The following PHF20L1 variants were observed in gnomAD, a reference collection of about 807,000 sequenced individuals.
The protein encoded by PHF20L1 is PHD finger protein 20 like 1.
A neutral mutation model predicts 125.5 loss-of-function variants in PHF20L1; 44 were observed. That is an observed-to-expected ratio of 0.35 (90% CI 0.28 to 0.45). The LOEUF is 0.45. PHF20L1 is among the 20% of genes least tolerant of loss of function. The pLI, the probability that PHF20L1 is intolerant of heterozygous loss-of-function variation, is 1.00. For synonymous variants in PHF20L1, 380 were observed against 403.1 expected, an observed-to-expected ratio of 0.94 and a Z score of 0.69; for missense variants, 1,012 against 1,217.2, an observed-to-expected ratio of 0.83 and a Z score of 2.51.
intron 15 of PHF20L1, 92 bp from the exon 16 acceptor site, chr8:132,836,448 G>A (rs753594583): frequency 1.3e-6 from 1 of 781,058 alleles, no homozygotes; most frequent in Non-Finnish European, 2.1e-6. Flanking sequence ...ATGTTTAATA[G>A]CTTATGTTCA....
rs115878127 is a variant in PHF20L1 at position 132,790,865 on chromosome 8, A to T, written c.84-3545A>T. On this transcript the variant is annotated intron_variant, in intron 2 of 20. Transcript: ENST00000395386. The stretch of plus-strand genomic sequence containing the variant: ...CCGAGAACCTTCAGTAAATTCCCAG[A>T]TTTTCTATGGACTATTAAAGCATCT... Among the ~76,000 whole-genome samples the T allele has an allele frequency of 4.4e-3, 667 of 152,170 alleles. 7 individuals are homozygous for T. The highest frequency in any genetic ancestry group is 0.015 in the African/African-American group (641 of 41,526).
chr8:132,778,807 C>T (rs934228293), intron 2 of PHF20L1, among the ~76,000 whole-genome samples: 3 of 152,142 alleles, frequency 2.0e-5, no homozygotes, highest in South Asian at 2.1e-4. Flanking sequence ...AGAGGGGTTC[C>T]GCTTCTGGGA....
intron 14 of PHF20L1, among the ~76,000 whole-genome samples, chr8:132,828,551 TA>T (rs1224344054): frequency 6.6e-6 from 1 of 152,150 alleles, no homozygotes; most frequent in East Asian, 1.9e-4. Context: ...TTGTCCCTGT[TA>T]TTTTAATGCA....
intron 9 of PHF20L1, chr8:132,812,003 G>T (rs564360990): frequency 3.1e-6 from 3 of 982,296 alleles, no homozygotes; most frequent in Non-Finnish European, 3.6e-6. Context: ...GTTTTTCAGG[G>T]TTATTTTAGG....
At chr8:132,787,745 G>T (rs964554268) in intron 2 of PHF20L1, among the ~76,000 whole-genome samples, 9 of 152,074 alleles carry the variant, frequency 5.9e-5, no homozygotes, top group Admixed American at 1.3e-4. Context: ...TAATCAATGG[G>T]TGAATGGGAA....
chr8:132,810,955 G>T, intron 8 of PHF20L1, 91 bp from the exon 9 acceptor site: 1 of 795,872 alleles, frequency 1.3e-6, no homozygotes, highest in Non-Finnish European at 2.3e-6. Context: ...AAAAGTATAG[G>T]AAATTTCAAC....
chr8:132,788,551 G>C (rs900386365), intron 2 of PHF20L1, among the ~76,000 whole-genome samples: 1 of 151,708 alleles, frequency 6.6e-6, no homozygotes, highest in Non-Finnish European at 1.5e-5. Flanking sequence ...AAGTGCAGGA[G>C]ATTCTAGGTT....
chr8:132,784,230 G>GT (rs1255425255), intron 2 of PHF20L1, among the ~76,000 whole-genome samples: 18 of 151,914 alleles, frequency 1.2e-4, no homozygotes, highest in African/African-American at 4.3e-4. Flanking sequence ...ATGTTAATTC[G>GT]TTTTTTATAG....
At position 132,836,415 on chromosome 8, in the gene PHF20L1, T is replaced by C. The variant is rs146283596; in HGVS notation, c.1910-125T>C. On this transcript the variant is annotated intron_variant, in intron 15 of 20. Transcript: ENST00000395386. ...AGACAAGTACAGTACAGTATTCTTATTTGTTTGCTCCCCCTTTTTAAAATG... is the reference window on the plus strand; with the variant it reads ...AGACAAGTACAGTACAGTATTCTTACTTGTTTGCTCCCCCTTTTTAAAATG... 4,985 of 642,790 alleles carry C rather than the reference T, an allele frequency of 7.8e-3. 39 individuals are homozygous for C. Among genetic ancestry groups the C allele is most frequent in the Non-Finnish European group, 0.011 (4,216 of 376,230 alleles). The allele number at this position is 642,790 out of a possible 1,614,324, so 39.8% of individuals were successfully genotyped here. A position where few individuals can be genotyped will look rare whatever the true frequency, so the allele number is the denominator to read the frequency against.
intron 14 of PHF20L1, among the ~76,000 whole-genome samples, chr8:132,829,715 T>C (rs945781105): frequency 8.5e-5 from 13 of 152,196 alleles, no homozygotes; most frequent in African/African-American, 2.9e-4. Flanking sequence ...ATATCACTTA[T>C]TTGTTAAGAG....
At position 132,824,028 on chromosome 8, in the gene PHF20L1, T is replaced by C. The variant is rs1008667164; in HGVS notation, c.1604T>C (p.Val535Ala). The C allele has an allele frequency of 5.0e-6, 8 of 1,600,400 alleles. No individual in the cohort carries two copies. Among genetic ancestry groups the C allele is most frequent in the Non-Finnish European group, 8.5e-7 (1 of 1,170,394 alleles). The change falls in exon 13 of 21, where the codon GTG becomes GCG. Residue 535 changes from valine (V) to alanine (A), a missense_variant. Physicochemically the swap from Val to Ala is moderately conservative, Grantham distance 64. Coordinates refer to ENST00000395386, the MANE Select transcript of PHF20L1 (RefSeq NM_016018.5). ...AAGISKTEKKVKLEDKSSTAF... is the reference protein window; with the variant it reads ...AAGISKTEKKAKLEDKSSTAF... The stretch of plus-strand genomic sequence containing the variant: ...GGAATATCGAAAACAGAAAAAAAAG[T>C]GAAATTGGAAGACAAAAGCTCAACA...
chr8:132,777,153 C>T (rs1210792250), intron 1 of PHF20L1, among the ~76,000 whole-genome samples: 2 of 152,142 alleles, frequency 1.3e-5, no homozygotes, highest in East Asian at 1.9e-4. Flanking sequence ...AGAAAGCAGT[C>T]TCTTTTGTAA....
At chr8:132,822,898 G>A (rs1158910361) in intron 12 of PHF20L1, among the ~76,000 whole-genome samples, 1 of 145,788 alleles carries the variant, frequency 6.9e-6, no homozygotes, top group Non-Finnish European at 1.6e-5. Context: ...ACTGGTAAAT[G>A]GTGACATTAA....
intron 8 of PHF20L1, chr8:132,810,047 G>GTT (rs1834191303): frequency 6.7e-6 from 1 of 149,274 alleles, no homozygotes. Flanking sequence ...ATAAAATACT[G>GTT]TCTTTTTTTT....
chr8:132,832,039 G>A (rs77034277), intron 14 of PHF20L1, among the ~76,000 whole-genome samples, 196 bp from the exon 15 acceptor site: 2,724 of 152,122 alleles, frequency 0.018, 81 homozygotes, highest in African/African-American at 0.061. Flanking sequence ...TGTATATATT[G>A]TCTGGGGTAT....
rs750338637 is a variant in PHF20L1 at position 132,842,766 on chromosome 8, G to A, written c.2639G>A (p.Gly880Glu). Residue 880 changes from glycine to glutamate, a missense_variant, in exon 19 of 21, where the codon GGG (glycine) becomes GAG (glutamate). This residue lies in a region of PHF20L1 where 277 missense variants were observed against 283.6 expected (regional missense o/e 0.98). Transcript: ENST00000395386. ...GACTGTAAATCTCTCGCAGACCCTGGGAGCTCAGATGATGATGATGTTAGT... is the reference window on the plus strand; with the variant it reads ...GACTGTAAATCTCTCGCAGACCCTGAGAGCTCAGATGATGATGATGTTAGT... Reference protein sequence around the residue: ...GQDCKSLADPGSSDDDDVSSL... With the variant: ...GQDCKSLADPESSDDDDVSSL... The A allele has an allele frequency of 3.7e-6, 6 of 1,613,314 alleles. No individual in the cohort carries two copies. Among genetic ancestry groups the A allele is most frequent in the Non-Finnish European group, 5.1e-6 (6 of 1,179,546 alleles).
intron 14 of PHF20L1, among the ~76,000 whole-genome samples, chr8:132,827,666 T>A (rs1836335311): frequency 6.6e-6 from 1 of 151,868 alleles, no homozygotes; most frequent in Admixed American, 6.6e-5. Flanking sequence ...CAATTAGGAT[T>A]AATAGAGGAA....
chr8:132,823,214 T>C (rs1835791964), intron 12 of PHF20L1, among the ~76,000 whole-genome samples: 1 of 152,030 alleles, frequency 6.6e-6, no homozygotes, highest in African/African-American at 2.4e-5. Flanking sequence ...TTATTTTGGC[T>C]ATTATCATTA....
chr8:132,838,092 G>T, intron 17 of PHF20L1: 1 of 243,556 alleles, frequency 4.1e-6, no homozygotes, highest in African/African-American at 2.2e-5. Flanking sequence ...TGTACTTCTT[G>T]GTCAATTAGA....
Sources: gnomAD v4.1 joint callset for allele counts (sites outside exome capture counted in the v4.1 genomes callset) on GRCh38, gnomAD v4.1.1 for gene constraint, gnomAD v4.1.1 regional missense constraint, MANE v1.5 for transcripts, NCBI Gene and HGNC (gene_info 2026-07-23, HGNC 2026-07-21) for gene names.